Variants in ERI1 observed in about 807,000 individuals in gnomAD.
ERI1 encodes 3'-5' exoribonuclease 1.
Under a neutral mutation model 39.7 loss-of-function variants are expected in ERI1, and 39 were observed. The ratio of observed to expected loss-of-function variants is 0.98; its 90% CI spans 0.76 to 1.28. ERI1 has a LOEUF of 1.28. ERI1 is among the 50% of genes most tolerant of loss of function. ERI1 has a pLI of 0.00. For synonymous variants in ERI1, 204 were observed against 149.6 expected (o/e 1.36, Z -2.65); for missense variants, 581 against 416.9 (o/e 1.39, Z -3.43).
intron 3 of ERI1, among the ~76,000 whole-genome samples, chr8:9,082,279 C>G (rs986545677): frequency 5.3e-5 from 8 of 152,196 alleles, no homozygotes; most frequent in African/African-American, 1.9e-4. Context: ...GAACTTCTGG[C>G]AAGTAACATG....
chr8:9,013,021 CT>C (rs35229644), intron 3 of ERI1, among the ~76,000 whole-genome samples: 4 of 149,854 alleles, frequency 2.7e-5, no homozygotes, highest in South Asian at 2.1e-4. Context: ...ACCATTCTCA[CT>C]TTTTTTTTTC....
At chr8:9,065,393 C>G (rs1798840967) in intron 3 of ERI1, among the ~76,000 whole-genome samples, 2 of 152,154 alleles carry the variant, frequency 1.3e-5, no homozygotes. Context: ...CACCTGAGAT[C>G]ATTAAAAATG....
At chr8:9,049,336 C>CAAAAAAAAAAAA (rs3989371) in intron 3 of ERI1, among the ~76,000 whole-genome samples, 2 of 33,244 alleles carry the variant, frequency 6.0e-5, no homozygotes, top group Non-Finnish European at 1.1e-4. Flanking sequence ...ACTCCGTCTC[C>CAAAAAAAAAAAA]AAAAAAAAAA....
At chr8:9,012,062 C>T (rs1413932904) in intron 3 of ERI1, among the ~76,000 whole-genome samples, 1 of 152,182 alleles carries the variant, frequency 6.6e-6, no homozygotes, top group Non-Finnish European at 1.5e-5. Flanking sequence ...ATACTGATGC[C>T]TGGCCCTAGT....
At chr8:9,090,048 A>G (rs17703591) in intron 3 of ERI1, among the ~76,000 whole-genome samples, 43,276 of 152,084 alleles carry the variant, frequency 0.28, 6,685 homozygotes, top group Non-Finnish European at 0.35. Context: ...CATCAGTCTC[A>G]TTGTGCCATG....
At chr8:9,082,622 G>T (rs1799403314) in intron 3 of ERI1, among the ~76,000 whole-genome samples, 1 of 152,136 alleles carries the variant, frequency 6.6e-6, no homozygotes, top group South Asian at 2.1e-4. Flanking sequence ...AAATGGATGA[G>T]GACCTACATC....
At chr8:9,015,161 C>G (rs567781198) in intron 3 of ERI1, among the ~76,000 whole-genome samples, 6 of 152,108 alleles carry the variant, frequency 3.9e-5, no homozygotes, top group African/African-American at 7.2e-5. Context: ...TTGTTCTTTA[C>G]TGTTGCTCAT....
chr8:9,003,274 T>G (rs1459316231), intron 1 of ERI1, 103 bp downstream of exon 1: 2 of 680,274 alleles, frequency 2.9e-6, no homozygotes. Context: ...GGTGCAGCTG[T>G]GCGCCCTTGG....
At chr8:9,078,322 G>T (rs1347203767) in intron 3 of ERI1, among the ~76,000 whole-genome samples, 2 of 150,142 alleles carry the variant, frequency 1.3e-5, no homozygotes, top group Non-Finnish European at 3.0e-5. Context: ...TTAGGTATCT[G>T]TATAGCACTT....
intron 6 of ERI1, among the ~76,000 whole-genome samples, chr8:9,022,137 TGTAA>T (rs1179572024): frequency 6.6e-6 from 1 of 152,172 alleles, no homozygotes; most frequent in Non-Finnish European, 1.5e-5. Flanking sequence ...TTATAGTTAC[TGTAA>T]GTTTTTGCTA....
chr8:9,034,751 A>G (rs1209313957), downstream of ERI1, among the ~76,000 whole-genome samples: 2 of 152,052 alleles, frequency 1.3e-5, no homozygotes, highest in African/African-American at 4.8e-5. Context: ...CTTTAAATCA[A>G]AAACTAGAAA....
intron 5 of ERI1, among the ~76,000 whole-genome samples, chr8:9,019,012 A>C (rs912430989): frequency 3.9e-5 from 6 of 152,320 alleles, no homozygotes; most frequent in Middle Eastern, 3.4e-3. Flanking sequence ...CTTTGTGTAC[A>C]TACATAAGAC....
chr8:9,015,052 G>A (rs181496421), intron 3 of ERI1, among the ~76,000 whole-genome samples: 3 of 152,242 alleles, frequency 2.0e-5, no homozygotes, highest in Admixed American at 2.0e-4. Flanking sequence ...GGCCAGGCTG[G>A]TCTTGAACTC....
chr8:9,026,875 A>C (rs1045035980), intron 6 of ERI1, among the ~76,000 whole-genome samples: 2 of 151,798 alleles, frequency 1.3e-5, no homozygotes, highest in African/African-American at 4.8e-5. Context: ...AAAAAAATCC[A>C]TTGATTGTTT....
At chr8:9,053,344 C>T (rs1002652571) in intron 3 of ERI1, among the ~76,000 whole-genome samples, 1 of 152,128 alleles carries the variant, frequency 6.6e-6, no homozygotes, top group South Asian at 2.1e-4. Flanking sequence ...CTGATCATGC[C>T]TAAGTCATGA....
At chr8:9,058,023 T>C (rs564286995) in intron 3 of ERI1, among the ~76,000 whole-genome samples, 3 of 152,280 alleles carry the variant, frequency 2.0e-5, no homozygotes, top group African/African-American at 7.2e-5. Flanking sequence ...AAGGGTGAGA[T>C]GGGAGGACCA....
intron 3 of ERI1, among the ~76,000 whole-genome samples, chr8:9,055,620 A>G (rs1255913013): frequency 6.6e-6 from 1 of 152,010 alleles, no homozygotes; most frequent in Non-Finnish European, 1.5e-5. Flanking sequence ...GCTCACTGCA[A>G]CCTCTGCCTC....
rs1423974699 is a variant in ERI1 at position 9,032,350 on chromosome 8, C to T, written c.*2316C>T. 1 of 152,178 alleles carries T rather than the reference C, an allele frequency of 6.6e-6. No individual in the cohort carries two copies. Among genetic ancestry groups the T allele is most frequent in the Admixed American group, 6.5e-5 (1 of 15,270 alleles). The allele number at this position is 152,178 out of a possible 1,614,324, so 9.4% of individuals were successfully genotyped here. ...ACTTTTATTCTATGCTTCATATGCT[C>T]TGACATTGACATAGTGGATTTCTGC... On this transcript the variant is annotated 3_prime_UTR_variant, in exon 7 of 7. Coordinates refer to ENST00000250263, the MANE Select transcript of ERI1 (RefSeq NM_153332.4).
At chr8:9,006,807 C>T (rs535928646) in intron 1 of ERI1, among the ~76,000 whole-genome samples, 1 of 152,276 alleles carries the variant, frequency 6.6e-6, no homozygotes, top group South Asian at 2.1e-4. Flanking sequence ...AGTACTCTGG[C>T]ACCTTACCTA....
Sources: gnomAD v4.1 joint callset for allele counts (sites outside exome capture counted in the v4.1 genomes callset) on GRCh38, gnomAD v4.1.1 for gene constraint, MANE v1.5 for transcripts, NCBI Gene and HGNC (gene_info 2026-07-23, HGNC 2026-07-21) for gene names.